The following TACC2 variants were observed in gnomAD, a reference collection of about 807,000 sequenced individuals.
TACC2 encodes the protein transforming acidic coiled-coil-containing protein 2.
In TACC2, 137 loss-of-function variants were observed where a neutral mutation model predicts 227.3. That is an observed-to-expected ratio of 0.60 (90% confidence interval 0.52 to 0.69). TACC2 has a LOEUF of 0.69. Ranked by LOEUF, TACC2 falls within the 30% of genes least tolerant of loss-of-function variation. TACC2 has a pLI of 0.00. For missense variants in TACC2, 3,470 were observed against 3,694.4 expected, an observed-to-expected ratio of 0.94 and a Z score of 1.57; for synonymous variants, 1,523 against 1,487.5, an observed-to-expected ratio of 1.02 and a Z score of -0.55.
At chr10:122,118,800 C>T (rs1006087821) in intron 5 of TACC2, among the ~76,000 whole-genome samples, 2 of 152,158 alleles carry the variant, frequency 1.3e-5, no homozygotes, top group African/African-American at 4.8e-5. Context: ...GCTGAGTGGC[C>T]TGTTCTCAGC....
At chr10:122,049,889 C>T (rs1161145384) in intron 2 of TACC2, among the ~76,000 whole-genome samples, 1 of 152,078 alleles carries the variant, frequency 6.6e-6, no homozygotes, top group East Asian at 1.9e-4. Flanking sequence ...ACAAGCTTAT[C>T]CTGGAGTGAA....
intron 7 of TACC2, among the ~76,000 whole-genome samples, chr10:122,171,770 T>C (rs2140084433): frequency 6.6e-6 from 1 of 152,370 alleles, no homozygotes; most frequent in East Asian, 1.9e-4. Flanking sequence ...CAGCTTAGAT[T>C]GCAAATTCTT....
At chr10:122,240,167 A>G (rs2095955603) in intron 18 of TACC2, among the ~76,000 whole-genome samples, 1 of 152,102 alleles carries the variant, frequency 6.6e-6, no homozygotes, top group African/African-American at 2.4e-5. Flanking sequence ...CAGCTAAGGT[A>G]TTTTCAGGTC....
At chr10:122,236,154 G>T (rs1026670083) in intron 16 of TACC2, among the ~76,000 whole-genome samples, 2 of 152,118 alleles carry the variant, frequency 1.3e-5, no homozygotes, top group South Asian at 2.1e-4. Flanking sequence ...CGCCTGTTCT[G>T]GTGGTGGAAG....
chr10:122,235,018 TA>T (rs1255091861), intron 16 of TACC2, among the ~76,000 whole-genome samples: 1 of 152,082 alleles, frequency 6.6e-6, no homozygotes, highest in African/African-American at 2.4e-5. Flanking sequence ...TATTGCTCAT[TA>T]AAAAAAACAC....
At chr10:122,144,231 A>T (rs1319183375) in intron 7 of TACC2, among the ~76,000 whole-genome samples, 2 of 152,154 alleles carry the variant, frequency 1.3e-5, no homozygotes, top group Non-Finnish European at 2.9e-5. Context: ...CCCACATTAT[A>T]GGAGGTAATC....
Position 122,209,761 on chromosome 10 carries a change from C to T in TACC2, c.5972-636C>T, listed in dbSNP as rs2095243968. The T allele has an allele frequency of 6.5e-6, 1 of 154,872 alleles. No homozygotes were observed. 9.6% of individuals were successfully genotyped at this position (154,872 alleles called of 1,614,324 possible). The stretch of plus-strand genomic sequence containing the variant: ...CTAGAGTACAGTGGCGCAATCTCGG[C>T]TCTCTGCAACCTCTGGCTCCCAGGC... On this transcript the variant is annotated intron_variant, in intron 8 of 22. Transcript: ENST00000369005. This position sits in a 1 kb window ranked among gnomAD's most constrained non-coding sequence, Gnocchi z 4.5.
At chr10:122,189,148 T>C (rs1343072031) in intron 7 of TACC2, among the ~76,000 whole-genome samples, 1 of 152,174 alleles carries the variant, frequency 6.6e-6, no homozygotes, top group Non-Finnish European at 1.5e-5. Flanking sequence ...TCATACTGTT[T>C]TATGCCAGCG....
chr10:122,120,789 C>G (rs2085611315), intron 5 of TACC2, among the ~76,000 whole-genome samples: 1 of 151,634 alleles, frequency 6.6e-6, no homozygotes, highest in African/African-American at 2.4e-5. Flanking sequence ...GAGACGGAGT[C>G]CTGCTCTGTC....
At chr10:122,100,652 CT>C (rs1232170592) in intron 5 of TACC2, among the ~76,000 whole-genome samples, 3 of 152,168 alleles carry the variant, frequency 2.0e-5, no homozygotes, top group Non-Finnish European at 2.9e-5. Context: ...TTTCGAACTC[CT>C]GACCTCAAGT....
intron 5 of TACC2, among the ~76,000 whole-genome samples, chr10:122,103,651 T>A (rs923596338): frequency 5.9e-5 from 9 of 152,384 alleles, no homozygotes; most frequent in African/African-American, 1.7e-4. Flanking sequence ...AGGCCCCACA[T>A]ACCCTTTCAG....
Position 122,250,346 on chromosome 10 carries a change from C to T in TACC2, c.8781+682C>T, listed in dbSNP as rs574754079. Among the ~76,000 whole-genome samples the T allele has an allele frequency of 2.0e-5, 3 of 152,362 alleles. No individual in the cohort carries two copies. In the East Asian group the frequency reaches 5.8e-4, roughly 29 times the overall value. ...GATTTCCAGATGTGCAGCCTCCTTC[C>T]AGTCAATTTCCTGAGCCTTGGGGTT... is the stretch of plus-strand genomic sequence containing the variant. On this transcript the variant is annotated intron_variant, in intron 22 of 22. Coordinates refer to ENST00000369005, the MANE Select transcript of TACC2 (RefSeq NM_206862.4).
intron 1 of TACC2, among the ~76,000 whole-genome samples, chr10:122,021,242 CG>C (rs201350055): frequency 4.0e-5 from 6 of 148,444 alleles, no homozygotes; most frequent in Non-Finnish European, 8.9e-5. Context: ...AAAAAAAAGG[CG>C]GGGGGGAAGA....
At chr10:122,120,078 A>G (rs2085442235) in intron 5 of TACC2, among the ~76,000 whole-genome samples, 2 of 152,148 alleles carry the variant, frequency 1.3e-5, no homozygotes, top group Non-Finnish European at 2.9e-5. Context: ...CAGTAGTCCA[A>G]TTTTAAGAGG....
intron 21 of TACC2, 67 bp downstream of exon 21, chr10:122,249,223 G>T (rs1462362981): frequency 5.7e-6 from 7 of 1,238,856 alleles, no homozygotes; most frequent in Non-Finnish European, 8.1e-6. Context: ...AGGCAGGCTG[G>T]GACCTCTGGC....
chr10:122,081,253 C>T (rs1734685481), intron 3 of TACC2, among the ~76,000 whole-genome samples: 1 of 151,880 alleles, frequency 6.6e-6, no homozygotes, highest in Non-Finnish European at 1.5e-5. Context: ...GGCGTGGTGG[C>T]TCACGCCTGT....
At chr10:122,057,019 C>T (rs1164127119) in intron 3 of TACC2, among the ~76,000 whole-genome samples, 1 of 152,058 alleles carries the variant, frequency 6.6e-6, no homozygotes, top group Non-Finnish European at 1.5e-5. Context: ...TGGTGAAACT[C>T]CATCTCTACT....
At chr10:122,231,592 G>T (rs1467046853) in intron 16 of TACC2, among the ~76,000 whole-genome samples, 1 of 152,214 alleles carries the variant, frequency 6.6e-6, no homozygotes, top group Non-Finnish European at 1.5e-5. Flanking sequence ...TCCTCGGTGG[G>T]TGGATCCGGG....
intron 2 of TACC2, among the ~76,000 whole-genome samples, chr10:122,027,440 A>G (rs1168365382): frequency 1.3e-5 from 2 of 150,240 alleles, no homozygotes; most frequent in African/African-American, 4.9e-5. Flanking sequence ...GTGTCTGTGT[A>G]TTTTTTTTTA....
Sources: gnomAD v4.1 joint callset for allele counts (sites outside exome capture counted in the v4.1 genomes callset) on GRCh38, gnomAD v4.1.1 for gene constraint, Gnocchi (gnomAD v3.1) non-coding constraint, MANE v1.5 for transcripts, NCBI Gene and HGNC (gene_info 2026-07-23, HGNC 2026-07-21) for gene names.